The following PARP8 variants were observed in gnomAD, a reference collection of about 807,000 sequenced individuals.
PARP8 encodes protein mono-ADP-ribosyltransferase PARP8.
Under a neutral mutation model 124.1 loss-of-function variants are expected in PARP8, and 51 were observed. The observed-to-expected ratio is 0.41, with a 90% confidence interval of 0.33 to 0.52. PARP8 has a LOEUF of 0.52. Ranked by LOEUF, PARP8 falls within the 20% of genes least tolerant of loss-of-function variation. The pLI is 0.21. For missense variants in PARP8, 860 were observed against 1,018.9 expected (o/e 0.84, Z 2.12); for synonymous variants, 391 against 361.5 (o/e 1.08, Z -0.93).
intron 10 of PARP8, among the ~76,000 whole-genome samples, chr5:50,793,477 C>A (rs774477257): frequency 2.3e-4 from 35 of 152,086 alleles, no homozygotes; most frequent in Non-Finnish European, 4.4e-4. Context: ...GAATTCTTTA[C>A]CATAAAGCAC....
chr5:50,812,057 A>G (rs545278216), intron 14 of PARP8, among the ~76,000 whole-genome samples: 1 of 152,178 alleles, frequency 6.6e-6, no homozygotes, highest in South Asian at 2.1e-4. Context: ...ATACATGTGC[A>G]TGTGTCTTTA....
At position 50,666,749 on chromosome 5, in the gene PARP8, C is replaced by A. The variant is rs1579867710; in HGVS notation, c.-347C>A. On this transcript the variant is annotated 5_prime_UTR_variant, in exon 1 of 26. Transcript: ENST00000281631. The stretch of plus-strand genomic sequence containing the variant: ...GTGATTGCTCTCTGGCTGTCCCCGG[C>A]ACCTCGGCCCCCACGGCCGTTGGTC... 1 of 577,534 alleles carries A rather than the reference C, an allele frequency of 1.7e-6. No individual in the cohort carries two copies. The highest frequency in any genetic ancestry group is 2.3e-6 in the Non-Finnish European group (1 of 427,504). 35.8% of individuals were successfully genotyped at this position (577,534 alleles called of 1,614,324 possible). A position where few individuals can be genotyped will look rare whatever the true frequency, so the allele number is the denominator to read the frequency against.
rs1050286094 is a variant in PARP8, at chr5:50,733,570, A to G, written c.147-16581A>G. Among the ~76,000 whole-genome samples the G allele has an allele frequency of 7.2e-5, 11 of 152,292 alleles. No homozygotes were observed. In the East Asian group the frequency reaches 9.6e-4, roughly 13 times the overall value. On this transcript the variant is annotated intron_variant, in intron 2 of 25. Transcript: ENST00000281631. The stretch of plus-strand genomic sequence containing the variant: ...TTTGAAAAACTACACTAAGCTATAG[A>G]TAGCAGTATTTATGTCAACTAAACT...
intron 7 of PARP8, 98 bp from the exon 8 acceptor site, chr5:50,777,971 A>T: frequency 1.2e-6 from 1 of 847,682 alleles, no homozygotes. Flanking sequence ...ATCAAGGATG[A>T]GAATTAGTGA....
At chr5:50,830,412 T>G (rs1011939034) in intron 22 of PARP8, among the ~76,000 whole-genome samples, 1 of 152,188 alleles carries the variant, frequency 6.6e-6, no homozygotes, top group African/African-American at 2.4e-5. Flanking sequence ...TTAACAACTT[T>G]TTGTAAATTT....
intron 2 of PARP8, among the ~76,000 whole-genome samples, chr5:50,739,725 TATA>T (rs1210761460): frequency 2.3e-4 from 25 of 108,264 alleles, no homozygotes; most frequent in East Asian, 2.0e-3. Flanking sequence ...TATATATATA[TATA>T]TATATTTTTT....
chr5:50,737,526 A>C (rs1204214575), intron 2 of PARP8, among the ~76,000 whole-genome samples: 1 of 152,192 alleles, frequency 6.6e-6, no homozygotes, highest in Non-Finnish European at 1.5e-5. Flanking sequence ...AATTAAATAT[A>C]GCTTAAAAAG....
chr5:50,747,170 T>TTTG (rs1758672473), intron 2 of PARP8, among the ~76,000 whole-genome samples: 1 of 145,002 alleles, frequency 6.9e-6, no homozygotes, highest in Non-Finnish European at 1.5e-5. Flanking sequence ...TTTGTTTTTT[T>TTTG]TTTTTTTTTT....
At chr5:50,742,680 C>T (rs1343294181) in intron 2 of PARP8, among the ~76,000 whole-genome samples, 9 of 152,174 alleles carry the variant, frequency 5.9e-5, no homozygotes, top group Non-Finnish European at 1.2e-4. Context: ...ATGGGTTTCT[C>T]AGGTTACTGA....
intron 2 of PARP8, among the ~76,000 whole-genome samples, chr5:50,712,117 A>G (rs527694423): frequency 2.7e-4 from 41 of 152,306 alleles, no homozygotes; most frequent in African/African-American, 9.4e-4. Context: ...CACTTTATTC[A>G]GAGTGATTTG....
intron 10 of PARP8, among the ~76,000 whole-genome samples, chr5:50,790,770 TTTAA>T (rs1254194628): frequency 6.6e-6 from 1 of 152,150 alleles, no homozygotes; most frequent in Non-Finnish European, 1.5e-5. Context: ...ATATAACATA[TTTAA>T]TTAATATCCC....
At chr5:50,807,030 A>G (rs560538983) in intron 14 of PARP8, among the ~76,000 whole-genome samples, 1 of 151,688 alleles carries the variant, frequency 6.6e-6, no homozygotes, top group Non-Finnish European at 1.5e-5. Context: ...ATTCTATTTT[A>G]TTACATTTGC....
At chr5:50,801,723 G>A (rs2149665301) in intron 14 of PARP8, among the ~76,000 whole-genome samples, 1 of 152,198 alleles carries the variant, frequency 6.6e-6, no homozygotes, top group Non-Finnish European at 1.5e-5. Context: ...GGGTATTGAA[G>A]GCTCTGACTA....
rs183369496 is a variant in PARP8, at chr5:50,728,465, C to T, written c.147-21686C>T. On this transcript the variant is annotated intron_variant, in intron 2 of 25. Transcript: ENST00000281631. ...TTTTGTCTCTATGACATTCAGAGTG[C>T]AACTTAATTTGCAGTTTATCAATCT... Among the ~76,000 whole-genome samples the T allele has an allele frequency of 5.0e-4, 76 of 152,122 alleles. 2 individuals are homozygous for T. The East Asian group carries it at 0.014, about 28-fold the overall frequency.
At position 50,841,986 on chromosome 5, in the gene PARP8, G is replaced by C; in HGVS notation, c.2483G>C (p.Gly828Ala). ...FFFVYEDGQV[G>A]DANINTQEGG... ...TTCAGCTATGAAGACGGCCAAGTGGGAGATGCAAATATTAATACACAAGAA... is the reference window on the plus strand; with the variant it reads ...TTCAGCTATGAAGACGGCCAAGTGGCAGATGCAAATATTAATACACAAGAA... Residue 828 changes from glycine to alanine, a missense_variant, in exon 26 of 26, where the codon GGA becomes GCA. Gly to Ala is a moderately conservative substitution (Grantham distance 60). Transcript: ENST00000281631. 6.3e-7 allele frequency: 1 copy of C among 1,599,168 alleles called. No homozygotes were observed. The highest frequency in any genetic ancestry group is 8.5e-7 in the Non-Finnish European group (1 of 1,172,854).
At chr5:50,747,777 T>G (rs867282001) in intron 2 of PARP8, among the ~76,000 whole-genome samples, 5,805 of 127,122 alleles carry the variant, frequency 0.046, 461 homozygotes, top group African/African-American at 0.17. Flanking sequence ...TTTTTTTTTT[T>G]TTTTTTTTTT....
chr5:50,840,823 T>C (rs1748102976), intron 25 of PARP8, among the ~76,000 whole-genome samples: 1 of 151,918 alleles, frequency 6.6e-6, no homozygotes, highest in African/African-American at 2.4e-5. Context: ...GTACCACATA[T>C]CCCATTCTTT....
chr5:50,780,753 T>C (rs2149615173), intron 9 of PARP8, among the ~76,000 whole-genome samples: 1 of 152,304 alleles, frequency 6.6e-6, no homozygotes, highest in Non-Finnish European at 1.5e-5. Flanking sequence ...TGACTTTTTG[T>C]TTTGTGAATG....
chr5:50,790,236 A>G (rs1466328670), intron 10 of PARP8, among the ~76,000 whole-genome samples: 2 of 152,216 alleles, frequency 1.3e-5, no homozygotes, highest in African/African-American at 2.4e-5. Context: ...TTAGCATATT[A>G]TATAATGTAG....
Sources: allele counts gnomAD v4.1 joint callset (sites outside exome capture counted in the v4.1 genomes callset), GRCh38; gene constraint gnomAD v4.1.1; transcripts MANE v1.5; gene names NCBI Gene and HGNC (gene_info 2026-07-23, HGNC 2026-07-21).